The following ATG4B variants were observed in gnomAD, a reference collection of about 807,000 sequenced individuals.
ATG4B encodes the protein cysteine protease ATG4B.
Under a neutral mutation model 56.6 loss-of-function variants are expected in ATG4B, and 29 were observed. That is an observed-to-expected ratio of 0.51 (90% CI 0.38 to 0.70). The LOEUF (loss-of-function observed/expected upper bound fraction) is 0.70. Ranked by LOEUF, ATG4B falls within the 30% of genes least tolerant of loss-of-function variation. The pLI is 0.00. For missense variants in ATG4B, 461 were observed against 515.5 expected, an observed-to-expected ratio of 0.89 and a Z score of 1.02; for synonymous variants, 224 against 206.1, an observed-to-expected ratio of 1.09 and a Z score of -0.74.
chr2:241,657,568 G>T (rs1466448595), intron 6 of ATG4B, among the ~76,000 whole-genome samples: 1 of 152,176 alleles, frequency 6.6e-6, no homozygotes, highest in Non-Finnish European at 1.5e-5. Context: ...CTCCCAAAGT[G>T]CTGGGATTAC....
At chr2:241,643,063 T>A (rs1182085192) in intron 1 of ATG4B, among the ~76,000 whole-genome samples, 2 of 151,392 alleles carry the variant, frequency 1.3e-5, no homozygotes, top group Non-Finnish European at 2.9e-5. Flanking sequence ...TTTTATATTT[T>A]TAGTAGAGAT....
In ATG4B at chr2:241,653,653, C is replaced by T. The variant is rs190441622; in HGVS notation, c.283+43C>T. On this transcript the variant is annotated intron_variant, in intron 4 of 12. Transcript: ENST00000404914. ...GGAGGGCGCATGGCCACGGTGTTCT[C>T]AGGAAGCAAAGGGGACTGTGGGGTC... 22 of 1,541,102 alleles carry T rather than the reference C, an allele frequency of 1.4e-5. No homozygotes were observed. In the East Asian group the frequency reaches 3.7e-4, roughly 26 times the overall value.
chr2:241,656,827 T>G (rs2068419068), intron 6 of ATG4B, among the ~76,000 whole-genome samples: 1 of 150,630 alleles, frequency 6.6e-6, no homozygotes, highest in African/African-American at 2.4e-5. Context: ...TAGACCCCTC[T>G]TTTTGAGACG....
chr2:241,654,908 A>G (rs2068348206), intron 5 of ATG4B: 1 of 574,874 alleles, frequency 1.7e-6, no homozygotes, highest in Admixed American at 3.2e-5. Flanking sequence ...GGTGCTCGGC[A>G]CAGTCTGGGG....
intron 1 of ATG4B, among the ~76,000 whole-genome samples, chr2:241,648,346 C>T (rs1000873748): frequency 2.6e-5 from 4 of 151,948 alleles, no homozygotes; most frequent in Non-Finnish European, 2.9e-5. Flanking sequence ...CCTGTAATCC[C>T]AGCCTTCGGG....
intron 5 of ATG4B, 163 bp from the exon 6 acceptor site, chr2:241,655,108 G>C: frequency 1.5e-6 from 1 of 652,400 alleles, no homozygotes. Flanking sequence ...GACCTTGTTT[G>C]CCCCCTCATG....
intron 4 of ATG4B, 117 bp downstream of exon 4, chr2:241,653,727 G>C (rs1017931923): frequency 2.4e-6 from 2 of 844,788 alleles, no homozygotes; most frequent in Non-Finnish European, 3.6e-6. Context: ...AGAACTTGGG[G>C]GTTTCTTGAG....
At chr2:241,664,593 C>T (rs2068702855) in intron 7 of ATG4B, among the ~76,000 whole-genome samples, 1 of 152,122 alleles carries the variant, frequency 6.6e-6, no homozygotes, top group African/African-American at 2.4e-5. Context: ...GTAGCTCCTA[C>T]CCATAATCGC....
chr2:241,637,748 C>A, intron 1 of ATG4B, 24 bp downstream of exon 1: 1 of 1,570,880 alleles, frequency 6.4e-7, no homozygotes, highest in Non-Finnish European at 8.6e-7. Context: ...GGGGGTCGGT[C>A]TTTCCGCAGG....
Position 241,654,459 on chromosome 2 carries a change from T to G in ATG4B, c.284-87T>G. On this transcript the variant is annotated intron_variant, in intron 4 of 12. Coordinates refer to ENST00000404914, the MANE Select transcript of ATG4B (RefSeq NM_013325.5). ...AAAAAAAAAGATTCTGAAAAAGGTT[T>G]GGATGCCATCTGTATCTTTAGTGTG... is the stretch of plus-strand genomic sequence containing the variant. 5.0e-6 allele frequency: 4 copies of G among 803,426 alleles called. No homozygotes were observed. The South Asian group carries it at 6.7e-5, about 14-fold the overall frequency. The allele number at this position is 803,426 out of a possible 1,614,324, so 49.8% of individuals were successfully genotyped here.
intron 5 of ATG4B, 138 bp from the exon 6 acceptor site, chr2:241,655,133 G>T: frequency 1.3e-6 from 1 of 772,058 alleles, no homozygotes; most frequent in Non-Finnish European, 2.2e-6. Context: ...CCCCGATCTT[G>T]TTGGGGCATC....
At chr2:241,654,713 C>T in intron 5 of ATG4B, 66 bp downstream of exon 5, 2 of 1,292,602 alleles carry the variant, frequency 1.5e-6, no homozygotes, top group Non-Finnish European at 2.2e-6. Flanking sequence ...TGGTCGGTTT[C>T]CCCTCAGAGC....
chr2:241,663,066 T>G (rs1195438523), intron 7 of ATG4B, among the ~76,000 whole-genome samples: 1 of 151,742 alleles, frequency 6.6e-6, no homozygotes, highest in Non-Finnish European at 1.5e-5. Context: ...TAAAACCCCA[T>G]GTCTACTAAA....
At chr2:241,638,117 G>C (rs2067737548) in intron 1 of ATG4B, 1 of 161,540 alleles carries the variant, frequency 6.2e-6, no homozygotes, top group South Asian at 1.9e-4. Context: ...CGCGAGCGGC[G>C]GGCGAAAGCG....
chr2:241,656,895 A>T (rs2068420793), intron 6 of ATG4B, among the ~76,000 whole-genome samples: 1 of 152,180 alleles, frequency 6.6e-6, no homozygotes, highest in African/African-American at 2.4e-5. Context: ...TCAGAATCCC[A>T]AGTGATTCTC....
chr2:241,673,041 G>T lies in ATG4B; in HGVS notation c.*777G>T, dbSNP rs1290305300. 5 of 1,022 alleles carry T rather than the reference G, an allele frequency of 4.9e-3. No homozygotes were observed. The highest frequency in any genetic ancestry group is 7.1e-3 in the Non-Finnish European group (5 of 702). The allele number at this position is 1,022 out of a possible 1,614,324, so 0.1% of individuals were successfully genotyped here. ...TGGCAGCTTCCCCAGGTGTGGTGACGGGGGGGGGGCGGGGCCTCCACCTGT... is the reference window on the plus strand; with the variant it reads ...TGGCAGCTTCCCCAGGTGTGGTGACTGGGGGGGGGCGGGGCCTCCACCTGT... On this transcript the variant is annotated 3_prime_UTR_variant, in exon 13 of 13. Coordinates refer to ENST00000404914, the MANE Select transcript of ATG4B (RefSeq NM_013325.5).
intron 7 of ATG4B, among the ~76,000 whole-genome samples, chr2:241,660,425 A>G (rs2068556483): frequency 6.6e-6 from 1 of 152,214 alleles, no homozygotes; most frequent in Non-Finnish European, 1.5e-5. Context: ...AGGGAGAGTG[A>G]GGCTGGCTTC....
chr2:241,639,687 C>T (rs2067827895), intron 1 of ATG4B, among the ~76,000 whole-genome samples: 1 of 152,124 alleles, frequency 6.6e-6, no homozygotes, highest in South Asian at 2.1e-4. Flanking sequence ...GGGTGGTCTC[C>T]CTTGGTGTGG....
At chr2:241,660,161 G>T (rs1189135648) in intron 7 of ATG4B, among the ~76,000 whole-genome samples, 2 of 152,176 alleles carry the variant, frequency 1.3e-5, no homozygotes, top group Non-Finnish European at 2.9e-5. Context: ...CTGCACTCCA[G>T]CCTGGCCACA....
Sources: allele counts gnomAD v4.1 joint callset (sites outside exome capture counted in the v4.1 genomes callset), GRCh38; gene constraint gnomAD v4.1.1; transcripts MANE v1.5; gene names NCBI Gene and HGNC (gene_info 2026-07-23, HGNC 2026-07-21).